Variants in ADAM12 observed in about 807,000 individuals in gnomAD.
ADAM12 encodes disintegrin and metalloproteinase domain-containing protein 12.
A neutral mutation model predicts 106.4 loss-of-function variants in ADAM12; 70 were observed. The ratio of observed to expected loss-of-function variants is 0.66; its 90% CI spans 0.54 to 0.80. The LOEUF (loss-of-function observed/expected upper bound fraction) is 0.80. Among genes scored for constraint, ADAM12 ranks in the 30% least tolerant of loss-of-function variants. ADAM12 has a pLI of 0.00. For synonymous variants in ADAM12, 420 were observed against 433.5 expected, an observed-to-expected ratio of 0.97 and a Z score of 0.39; for missense variants, 1,010 against 1,171.9, an observed-to-expected ratio of 0.86 and a Z score of 2.02.
intron 2 of ADAM12, among the ~76,000 whole-genome samples, chr10:126,298,580 G>C (rs546035907): frequency 6.6e-6 from 1 of 152,196 alleles, no homozygotes; most frequent in East Asian, 1.9e-4. Context: ...CCCAGCAAAG[G>C]AGGTAAGAGA....
chr10:126,275,120 C>G (rs1959212625), intron 3 of ADAM12, among the ~76,000 whole-genome samples: 1 of 152,156 alleles, frequency 6.6e-6, no homozygotes, highest in South Asian at 2.1e-4. Context: ...AACTTGAAGG[C>G]ATGCTGGGAT....
chr10:126,095,496 T>C (rs1955540164), intron 10 of ADAM12, among the ~76,000 whole-genome samples: 2 of 123,922 alleles, frequency 1.6e-5, no homozygotes, highest in Non-Finnish European at 3.2e-5. Context: ...ATCCCACCAC[T>C]GCACTCTAGC....
intron 2 of ADAM12, among the ~76,000 whole-genome samples, chr10:126,304,816 G>T (rs1960776298): frequency 6.6e-6 from 1 of 151,780 alleles, no homozygotes; most frequent in South Asian, 2.1e-4. Context: ...TATTTGAATG[G>T]CCAATAAGTT....
chr10:126,124,996 C>A (rs1956179503), intron 5 of ADAM12, among the ~76,000 whole-genome samples: 1 of 151,576 alleles, frequency 6.6e-6, no homozygotes, highest in Admixed American at 6.6e-5. Context: ...TTCCCTGAGT[C>A]AGGCTCCTTT....
At chr10:126,337,901 C>A (rs1242840486) in intron 1 of ADAM12, among the ~76,000 whole-genome samples, 2 of 152,072 alleles carry the variant, frequency 1.3e-5, no homozygotes, top group Non-Finnish European at 1.5e-5. Context: ...ATAACTGGCA[C>A]ATTATTACTT....
At chr10:126,369,523 G>A (rs1221369633) in intron 1 of ADAM12, among the ~76,000 whole-genome samples, 1 of 152,198 alleles carries the variant, frequency 6.6e-6, no homozygotes, top group African/African-American at 2.4e-5. Flanking sequence ...CCAAGGAGGA[G>A]TTCAGCCAAG....
At chr10:126,353,748 T>A (rs1280129206) in intron 1 of ADAM12, among the ~76,000 whole-genome samples, 2 of 152,184 alleles carry the variant, frequency 1.3e-5, no homozygotes, top group African/African-American at 2.4e-5. Context: ...CATGTATCTT[T>A]CAAAAGATTT....
At chr10:126,110,083 T>C (rs1313624849) in intron 6 of ADAM12, among the ~76,000 whole-genome samples, 1 of 152,204 alleles carries the variant, frequency 6.6e-6, no homozygotes, top group Non-Finnish European at 1.5e-5. Flanking sequence ...GTTTAAGCTT[T>C]CTGCTGAATC....
chr10:126,182,258 C>T (rs2133785728), intron 3 of ADAM12, among the ~76,000 whole-genome samples: 1 of 152,168 alleles, frequency 6.6e-6, no homozygotes, highest in East Asian at 1.9e-4. Flanking sequence ...ATGTTGAGGG[C>T]CAGATATCTA....
chr10:126,064,631 A>G lies in ADAM12; in HGVS notation c.1609+175T>C. The G allele has an allele frequency of 4.5e-6, 3 of 661,260 alleles. No homozygotes were observed. Among genetic ancestry groups the G allele is most frequent in the Non-Finnish European group, 7.6e-6 (3 of 394,650 alleles). 41.0% of individuals were successfully genotyped at this position (661,260 alleles called of 1,614,324 possible). A position where few individuals can be genotyped will look rare whatever the true frequency, so the allele number is the denominator to read the frequency against. On this transcript the variant is annotated intron_variant, in intron 14 of 22. Coordinates refer to ENST00000448723, the MANE Select transcript of ADAM12 (RefSeq NM_001288973.2). The surrounding 1 kb of genome is among the most constrained non-coding windows in gnomAD (Gnocchi z 4.4). Reference sequence around the variant, plus strand: ...GTCCATTTCTGTGCACCCCATGCCCAGTGCGGCCTCAGACCCTCCCTGGGA... The same window carrying G: ...GTCCATTTCTGTGCACCCCATGCCCGGTGCGGCCTCAGACCCTCCCTGGGA...
chr10:126,364,885 A>G (rs1855858577), intron 1 of ADAM12, among the ~76,000 whole-genome samples: 1 of 152,100 alleles, frequency 6.6e-6, no homozygotes, highest in African/African-American at 2.4e-5. Context: ...TTTCCATTAG[A>G]TTAATATTCC....
At position 126,212,197 on chromosome 10, in the gene ADAM12, T is replaced by A. The variant is rs146816336; in HGVS notation, c.261-56892A>T. 3.3e-3 allele frequency among the ~76,000 whole-genome samples: 501 copies of A among 152,362 alleles called. 2 individuals are homozygous for A. The highest frequency in any genetic ancestry group is 0.011 in the African/African-American group (467 of 41,580). On this transcript the variant is annotated intron_variant, in intron 3 of 22. Transcript: ENST00000448723. ...CAAATGAGGATTTTCTCCTCTTTTA[T>A]GCATACTCATCCACAAACTCCAAAA...
At chr10:126,350,034 G>A (rs1339298080) in intron 1 of ADAM12, among the ~76,000 whole-genome samples, 1 of 152,134 alleles carries the variant, frequency 6.6e-6, no homozygotes, top group Non-Finnish European at 1.5e-5. Flanking sequence ...GTGATTGCAC[G>A]TGGACACAGC....
At chr10:126,139,883 T>C (rs933579082) in intron 4 of ADAM12, among the ~76,000 whole-genome samples, 2 of 152,202 alleles carry the variant, frequency 1.3e-5, no homozygotes, top group African/African-American at 4.8e-5. Context: ...ATGGCTTCAG[T>C]GTCCTCTCAC....
intron 3 of ADAM12, among the ~76,000 whole-genome samples, chr10:126,243,489 A>ATATGTGTG: frequency 6.8e-6 from 1 of 146,946 alleles, no homozygotes; most frequent in South Asian, 2.2e-4. Flanking sequence ...GTGTGAGTGT[A>ATATGTGTG]TGTGTGTGTG....
Position 126,155,255 on chromosome 10 carries a change from G to A in ADAM12, c.311C>T (p.Thr104Ile), listed in dbSNP as rs773454911. Residue 104 changes from threonine (T) to isoleucine (I), a missense_variant, in exon 4 of 23, where the codon ACT (threonine) becomes ATT (isoleucine). By Grantham distance (89) the Thr-to-Ile change is moderately conservative (BLOSUM62 -1). Transcript: ENST00000448723. ...FTETHYLQDG[T>I]DVSLARNYTG... ...GTAATTTCGAGCGAGGGAGACATCA[G>A]TACCGTCTTGCAGATAGTGGGTTTC... 6.2e-6 allele frequency: 10 copies of A among 1,614,052 alleles called. No individual in the cohort carries two copies. In the Admixed American group the frequency reaches 1.7e-4, roughly 27 times the overall value.
intron 11 of ADAM12, among the ~76,000 whole-genome samples, chr10:126,082,030 G>A (rs1241298263): frequency 6.6e-6 from 1 of 152,236 alleles, no homozygotes; most frequent in African/African-American, 2.4e-5. Flanking sequence ...CATAGATGGT[G>A]TCAAAGAAGC....
At chr10:126,156,744 T>C (rs2133727285) in intron 3 of ADAM12, among the ~76,000 whole-genome samples, 1 of 152,250 alleles carries the variant, frequency 6.6e-6, no homozygotes, top group Admixed American at 6.5e-5. Flanking sequence ...GCCCTAACGA[T>C]GGAGCAGGAG....
chr10:126,139,359 C>A (rs1299516439), intron 4 of ADAM12, among the ~76,000 whole-genome samples: 1 of 151,188 alleles, frequency 6.6e-6, no homozygotes, highest in Non-Finnish European at 1.5e-5. Flanking sequence ...TCTCTTTTTT[C>A]CTATTTTGTC....
Sources: allele counts gnomAD v4.1 joint callset (sites outside exome capture counted in the v4.1 genomes callset), GRCh38; gene constraint gnomAD v4.1.1; non-coding constraint Gnocchi (gnomAD v3.1); transcripts MANE v1.5; gene names NCBI Gene and HGNC (gene_info 2026-07-23, HGNC 2026-07-21).